DOCK2: variants seen among roughly 807,000 people sequenced by gnomAD.
DOCK2 encodes dedicator of cytokinesis protein 2.
A neutral mutation model predicts 248.9 loss-of-function variants in DOCK2; 87 were observed. The observed-to-expected ratio is 0.35, with a 90% CI of 0.29 to 0.42. DOCK2 has a LOEUF of 0.42. Among genes scored for constraint, DOCK2 ranks in the 10% least tolerant of loss-of-function variants. The pLI, the probability that DOCK2 is intolerant of heterozygous loss-of-function variation, is 1.00. For synonymous variants in DOCK2, 805 were observed against 821.6 expected (o/e 0.98, Z 0.35); for missense variants, 1,747 against 2,300.2 (o/e 0.76, Z 4.92).
chr5:169,657,915 C>T (rs948970768), intron 2 of DOCK2, among the ~76,000 whole-genome samples: 4 of 151,938 alleles, frequency 2.6e-5, no homozygotes, highest in Admixed American at 1.3e-4. Flanking sequence ...TTGTTGGGAA[C>T]CTAGACAATA....
rs565374226 is a variant in DOCK2 at position 169,960,131 on chromosome 5, G to A, written c.2800-22937G>A. ...GCTTTTGTGAAACTGATGAAGGCAA[G>A]GTCTACCCTGCCTCTCTGAGTTCTT... On this transcript the variant is annotated intron_variant, in intron 27 of 51. Coordinates refer to ENST00000520908, the MANE Select transcript of DOCK2 (RefSeq NM_004946.3). Among the ~76,000 whole-genome samples the A allele has an allele frequency of 3.3e-5, 5 of 152,290 alleles. No homozygotes were observed. The South Asian group carries it at 1.0e-3, about 32-fold the overall frequency.
At chr5:169,989,364 C>G (rs1778152498) in intron 29 of DOCK2, among the ~76,000 whole-genome samples, 1 of 152,126 alleles carries the variant, frequency 6.6e-6, no homozygotes, top group South Asian at 2.1e-4. Context: ...CCTCTTTTAC[C>G]TCTCTTCCAT....
chr5:169,949,415 A>G (rs259917), intron 27 of DOCK2, among the ~76,000 whole-genome samples: 7,906 of 152,138 alleles, frequency 0.052, 559 homozygotes, highest in African/African-American at 0.16. Context: ...ATGGCTTTTG[A>G]GATTTTTCTT....
chr5:169,953,330 C>A (rs1350013134), intron 27 of DOCK2, among the ~76,000 whole-genome samples: 1 of 116,184 alleles, frequency 8.6e-6, no homozygotes, highest in Non-Finnish European at 1.8e-5. Flanking sequence ...AAGACTCTAT[C>A]TCAAAAAAAA....
At chr5:169,840,960 T>C (rs1056290322) in intron 27 of DOCK2, 108 bp downstream of exon 27, 2 of 1,245,324 alleles carry the variant, frequency 1.6e-6, no homozygotes, top group Non-Finnish European at 2.3e-6. Flanking sequence ...ATCATTGCTT[T>C]GTTTTGGAGT....
At chr5:170,080,776 C>T (rs967521749) in intron 50 of DOCK2, 2 of 157,400 alleles carry the variant, frequency 1.3e-5, no homozygotes, top group Admixed American at 1.2e-4. Context: ...GAGGTTAGAG[C>T]ACAGCCGATG....
intron 27 of DOCK2, among the ~76,000 whole-genome samples, chr5:169,917,660 T>A (rs1774950192): frequency 1.3e-5 from 2 of 152,146 alleles, no homozygotes; most frequent in Non-Finnish European, 2.9e-5. Context: ...GAATCAGACA[T>A]GCATAGAAAG....
chr5:169,836,625 A>G (rs372646547), intron 26 of DOCK2, among the ~76,000 whole-genome samples: 1 of 152,232 alleles, frequency 6.6e-6, no homozygotes, highest in Non-Finnish European at 1.5e-5. Flanking sequence ...CACACTTGCC[A>G]TAAATATGAC....
At chr5:169,838,714 G>C in intron 26 of DOCK2, among the ~76,000 whole-genome samples, 1 of 152,220 alleles carries the variant, frequency 6.6e-6, no homozygotes, top group Non-Finnish European at 1.5e-5. Context: ...GATGAAGCAG[G>C]GGAACTTGTT....
chr5:170,069,064 C>G (rs1319408266), intron 45 of DOCK2, 73 bp from the exon 46 acceptor site: 9 of 1,375,866 alleles, frequency 6.5e-6, no homozygotes, highest in Admixed American at 1.9e-5. Flanking sequence ...TGAATCTTCT[C>G]CCAGTGCCAA....
chr5:169,750,890 A>C (rs1020468844), intron 23 of DOCK2, among the ~76,000 whole-genome samples: 3 of 152,256 alleles, frequency 2.0e-5, no homozygotes, highest in Admixed American at 6.5e-5. Flanking sequence ...ATGTGATGTC[A>C]GCAAATCCCA....
At chr5:170,058,000 C>T (rs987492035) in intron 44 of DOCK2, among the ~76,000 whole-genome samples, 2 of 152,178 alleles carry the variant, frequency 1.3e-5, no homozygotes, top group African/African-American at 4.8e-5. Context: ...CCCTCATACT[C>T]CTCTCATCAC....
chr5:169,662,720 A>C (rs989963977), intron 2 of DOCK2, among the ~76,000 whole-genome samples: 3 of 152,160 alleles, frequency 2.0e-5, no homozygotes, highest in East Asian at 1.9e-4. Context: ...CTCACTTACT[A>C]TCACAAGAAC....
chr5:169,843,081 T>A lies in DOCK2; in HGVS notation c.2799+2229T>A, dbSNP rs113614777. Among the ~76,000 whole-genome samples, 561 of 152,290 alleles carry A rather than the reference T, an allele frequency of 3.7e-3. 3 individuals carry two copies. Among genetic ancestry groups the A allele is most frequent in the Non-Finnish European group, 5.1e-3 (350 of 68,008 alleles). On this transcript the variant is annotated intron_variant, in intron 27 of 51. Coordinates refer to ENST00000520908, the MANE Select transcript of DOCK2 (RefSeq NM_004946.3). Reference sequence around the variant, plus strand: ...ACATTTTTCAGTCTTTTCATCAACTTTTTTCCATCCAAATATCCAGCCAAA... The same window carrying A: ...ACATTTTTCAGTCTTTTCATCAACTATTTTCCATCCAAATATCCAGCCAAA...
intron 27 of DOCK2, among the ~76,000 whole-genome samples, chr5:169,867,847 G>A (rs1447992174): frequency 1.3e-5 from 2 of 152,154 alleles, no homozygotes; most frequent in African/African-American, 4.8e-5. Flanking sequence ...AGTGGAAACT[G>A]GAGATGGATT....
intron 27 of DOCK2, among the ~76,000 whole-genome samples, chr5:169,968,088 A>G (rs1180600078): frequency 2.6e-5 from 4 of 152,190 alleles, no homozygotes; most frequent in Non-Finnish European, 5.9e-5. Context: ...TCAAGGAGAG[A>G]AAACCTTCCT....
intron 26 of DOCK2, among the ~76,000 whole-genome samples, chr5:169,805,820 TCTGGA>T (rs1444590477): frequency 1.3e-5 from 2 of 152,228 alleles, no homozygotes; most frequent in African/African-American, 2.4e-5. Flanking sequence ...GATTGTGGCA[TCTGGA>T]CTTGAGGTGT....
At chr5:169,938,263 C>T (rs145024582) in intron 27 of DOCK2, among the ~76,000 whole-genome samples, 71 of 150,732 alleles carry the variant, frequency 4.7e-4, no homozygotes, top group African/African-American at 1.6e-3. Flanking sequence ...ATGTGTTCTT[C>T]CTGGGATGTC....
At chr5:170,031,303 G>A (rs2113834472) in intron 34 of DOCK2, among the ~76,000 whole-genome samples, 1 of 152,304 alleles carries the variant, frequency 6.6e-6, no homozygotes, top group South Asian at 2.1e-4. Flanking sequence ...AGGAATGAAA[G>A]AAAGTCCAGT....
Sources: allele counts gnomAD v4.1 joint callset (sites outside exome capture counted in the v4.1 genomes callset), GRCh38; gene constraint gnomAD v4.1.1; transcripts MANE v1.5; gene names NCBI Gene and HGNC (gene_info 2026-07-23, HGNC 2026-07-21).